SPATA6: variants seen among roughly 807,000 people sequenced by gnomAD.
SPATA6 encodes the protein spermatogenesis associated 6, also known as spermatogenesis-associated protein 6.
In SPATA6, 56 loss-of-function variants were observed where a neutral mutation model predicts 65.3. The observed-to-expected ratio is 0.86, with a 90% CI of 0.69 to 1.07. The LOEUF (loss-of-function observed/expected upper bound fraction) is 1.07, where lower values mean the gene tolerates loss of function less well. Among genes scored for constraint, SPATA6 ranks in the 50% least tolerant of loss-of-function variants. SPATA6 has a pLI of 0.00. For synonymous variants in SPATA6, 199 were observed against 213.2 expected, an observed-to-expected ratio of 0.93 and a Z score of 0.58; for missense variants, 590 against 594.8, an observed-to-expected ratio of 0.99 and a Z score of 0.08.
chr1:48,301,927 G>T (rs1644949252), intron 12 of SPATA6, among the ~76,000 whole-genome samples: 1 of 152,074 alleles, frequency 6.6e-6, no homozygotes, highest in Non-Finnish European at 1.5e-5. Flanking sequence ...TGAAACTATT[G>T]AAGAAAATAT....
At chr1:48,371,747 T>C (rs1358563786) in intron 9 of SPATA6, among the ~76,000 whole-genome samples, 1 of 152,160 alleles carries the variant, frequency 6.6e-6, no homozygotes, top group African/African-American at 2.4e-5. Flanking sequence ...CACACGAGAC[T>C]GGGAAGAAAA....
At chr1:48,328,645 T>C (rs937332949) in intron 11 of SPATA6, among the ~76,000 whole-genome samples, 5 of 152,158 alleles carry the variant, frequency 3.3e-5, no homozygotes, top group Non-Finnish European at 7.4e-5. Context: ...GGTTACAAAA[T>C]ATCTTCTCTG....
chr1:48,346,060 A>G (rs907542008), intron 11 of SPATA6, among the ~76,000 whole-genome samples: 4 of 152,096 alleles, frequency 2.6e-5, no homozygotes, highest in Admixed American at 2.0e-4. Context: ...TGCTTGATGA[A>G]CATCAAGGCA....
chr1:48,397,391 C>T (rs1166737150), intron 7 of SPATA6, among the ~76,000 whole-genome samples: 1 of 151,594 alleles, frequency 6.6e-6, no homozygotes, highest in Non-Finnish European at 1.5e-5. Flanking sequence ...TCTTATTCTG[C>T]ATAAATGGAA....
At chr1:48,307,891 G>A (rs896439711) in intron 11 of SPATA6, among the ~76,000 whole-genome samples, 5 of 151,742 alleles carry the variant, frequency 3.3e-5, no homozygotes, top group Non-Finnish European at 7.4e-5. Context: ...AAGTCTATTT[G>A]TCCAATATTT....
chr1:48,413,456 C>CTTTTTTTTTTT (rs35376845), intron 3 of SPATA6, among the ~76,000 whole-genome samples: 1 of 110,878 alleles, frequency 9.0e-6, no homozygotes, highest in Non-Finnish European at 1.8e-5. Context: ...CGCCCGGATA[C>CTTTTTTTTTTT]TTTTTTTTTT....
the SPATA6 span, among the ~76,000 whole-genome samples, chr1:48,286,588 CA>C: frequency 1.3e-5 from 2 of 152,038 alleles, no homozygotes; most frequent in African/African-American, 2.4e-5. Context: ...ATGATCATGC[CA>C]AATGCAAACA....
At chr1:48,390,308 T>C (rs1338567870) in intron 8 of SPATA6, among the ~76,000 whole-genome samples, 1 of 152,138 alleles carries the variant, frequency 6.6e-6, no homozygotes, top group Non-Finnish European at 1.5e-5. Context: ...TTAAGTGAAA[T>C]AAATCAGGCA....
Position 48,384,705 on chromosome 1 carries a change from C to T in SPATA6, c.909+604G>A, listed in dbSNP as rs549167253. Among the ~76,000 whole-genome samples the T allele has an allele frequency of 9.9e-5, 15 of 152,254 alleles. No individual in the cohort carries two copies. In the South Asian group the frequency reaches 2.9e-3, roughly 29 times the overall value. On this transcript the variant is annotated intron_variant, in intron 9 of 12. Transcript: ENST00000371847. ...CAGTTAGCTATTGGTATATCTTTTACACCTCTCTACCATTACTTCTCATTT... is the reference window on the plus strand; with the variant it reads ...CAGTTAGCTATTGGTATATCTTTTATACCTCTCTACCATTACTTCTCATTT...
intron 3 of SPATA6, 78 bp from the exon 4 acceptor site, chr1:48,413,229 T>C (rs1009089199): frequency 2.9e-6 from 2 of 680,908 alleles, no homozygotes; most frequent in Non-Finnish European, 4.4e-6. Context: ...TGGGAGTGTC[T>C]AAAAGCCAAA....
intron 3 of SPATA6, among the ~76,000 whole-genome samples, chr1:48,421,067 T>C (rs1367653657): frequency 1.3e-5 from 2 of 152,082 alleles, no homozygotes; most frequent in Admixed American, 6.6e-5. Flanking sequence ...GATGAGGAAA[T>C]ACTGATTGAT....
chr1:48,379,419 G>C (rs923552219), intron 9 of SPATA6, among the ~76,000 whole-genome samples: 1 of 152,146 alleles, frequency 6.6e-6, no homozygotes, highest in African/African-American at 2.4e-5. Context: ...ATCTAAAAAA[G>C]TCAAACTCAT....
chr1:48,391,711 T>C (rs1650090251), intron 8 of SPATA6, among the ~76,000 whole-genome samples: 1 of 152,186 alleles, frequency 6.6e-6, no homozygotes, highest in South Asian at 2.1e-4. Context: ...TTATAATCTA[T>C]TTTGGTTAAG....
intron 3 of SPATA6, among the ~76,000 whole-genome samples, chr1:48,443,111 C>T (rs889276348): frequency 2.0e-5 from 3 of 152,218 alleles, no homozygotes; most frequent in African/African-American, 4.8e-5. Flanking sequence ...TCTGCTCCAA[C>T]GTGCCACTTG....
chr1:48,399,216 A>G, intron 7 of SPATA6, 135 bp downstream of exon 7: 1 of 1,035,474 alleles, frequency 9.7e-7, no homozygotes, highest in Non-Finnish European at 1.4e-6. Context: ...TTCCCATCTT[A>G]GACTGCTAGG....
intron 1 of SPATA6, among the ~76,000 whole-genome samples, chr1:48,462,757 A>C (rs1657542308): frequency 6.6e-6 from 1 of 152,218 alleles, no homozygotes; most frequent in South Asian, 2.1e-4. Context: ...GACCTTGTTC[A>C]CTAGCTATGA....
chr1:48,452,623 A>T (rs1656676822), intron 2 of SPATA6, among the ~76,000 whole-genome samples: 1 of 152,170 alleles, frequency 6.6e-6, no homozygotes, highest in South Asian at 2.1e-4. Flanking sequence ...ACCTCAGGTG[A>T]TCCACCCGCC....
At chr1:48,395,239 C>A (rs903678274) in intron 8 of SPATA6, 28 bp downstream of exon 8, 5 of 1,496,824 alleles carry the variant, frequency 3.3e-6, no homozygotes, top group Admixed American at 2.3e-5. Context: ...GCAACTACAG[C>A]AATGAATAAA....
At chr1:48,265,948 C>A in the SPATA6 span, among the ~76,000 whole-genome samples, 13 of 152,178 alleles carry the variant, frequency 8.5e-5, no homozygotes, top group Non-Finnish European at 1.9e-4. Context: ...AAGTTCTTCA[C>A]AAATTATGAC....
Sources: gnomAD v4.1 joint callset for allele counts (sites outside exome capture counted in the v4.1 genomes callset) on GRCh38, gnomAD v4.1.1 for gene constraint, MANE v1.5 for transcripts, NCBI Gene and HGNC (gene_info 2026-07-23, HGNC 2026-07-21) for gene names.